ADAMTSL1: variants seen among roughly 807,000 people sequenced by gnomAD.
ADAMTSL1 encodes ADAMTS like 1, also known as ADAMTS-like protein 1.
A neutral mutation model predicts 201.8 loss-of-function variants in ADAMTSL1; 126 were observed. The observed-to-expected ratio is 0.62, with a 90% confidence interval of 0.54 to 0.72. The LOEUF (loss-of-function observed/expected upper bound fraction) is 0.72. ADAMTSL1 is among the 30% of genes least tolerant of loss of function. The probability of loss-of-function intolerance (pLI) is 0.00; values close to 1 mark genes in which losing one functional copy is unlikely to be tolerated. For missense variants in ADAMTSL1, 2,679 were observed against 2,277.8 expected (o/e 1.18, Z -3.59); for synonymous variants, 1,121 against 903.4 (o/e 1.24, Z -4.32).
intron 19 of ADAMTSL1, among the ~76,000 whole-genome samples, chr9:18,786,685 G>A (rs538541446): frequency 6.6e-6 from 1 of 152,172 alleles, no homozygotes; most frequent in African/African-American, 2.4e-5. Flanking sequence ...ACTCTTATTT[G>A]AGGAACATCT....
intron 2 of ADAMTSL1, among the ~76,000 whole-genome samples, chr9:18,223,464 C>G (rs1830336475): frequency 6.6e-6 from 1 of 151,700 alleles, no homozygotes; most frequent in Non-Finnish European, 1.5e-5. Context: ...CTTTTTGCTT[C>G]TTTTGTTGTA....
intron 4 of ADAMTSL1, among the ~76,000 whole-genome samples, chr9:18,611,208 A>G (rs1427692017): frequency 6.6e-6 from 1 of 152,188 alleles, no homozygotes; most frequent in Non-Finnish European, 1.5e-5. Flanking sequence ...ATTACAGTTA[A>G]TGCCATGTGA....
intron 1 of ADAMTSL1, among the ~76,000 whole-genome samples, chr9:17,917,384 G>A (rs952214342): frequency 6.6e-6 from 1 of 151,968 alleles, no homozygotes; most frequent in Non-Finnish European, 1.5e-5. Context: ...TTATGTCTGA[G>A]GAAATTGCTT....
intron 2 of ADAMTSL1, among the ~76,000 whole-genome samples, chr9:18,270,376 G>C (rs559939718): frequency 6.6e-6 from 1 of 152,186 alleles, no homozygotes; most frequent in Non-Finnish European, 1.5e-5. Flanking sequence ...CAAACGTTCA[G>C]ACCATAGGAG....
Position 18,574,166 on chromosome 9 carries a change from C to G in ADAMTSL1, c.374C>G (p.Ala125Gly). 1 of 1,614,106 alleles carries G rather than the reference C, an allele frequency of 6.2e-7. No homozygotes were observed. The highest frequency in any genetic ancestry group is 8.5e-7 in the Non-Finnish European group (1 of 1,180,006). Residue 125 changes from alanine to glycine, a missense_variant, in exon 4 of 29, where the codon GCC becomes GGC. Ala to Gly is a moderately conservative substitution (Grantham distance 60). Coordinates refer to ENST00000380548, the MANE Select transcript of ADAMTSL1 (RefSeq NM_001040272.6). Reference sequence around the variant, plus strand: ...AACCCATGTTCACTCAAGTGCCAAGCCAAAGGAACAACCCTGGTTGTTGAA... The same window carrying G: ...AACCCATGTTCACTCAAGTGCCAAGGCAAAGGAACAACCCTGGTTGTTGAA... The part of the protein sequence containing the change: ...PDNPCSLKCQ[A>G]KGTTLVVELA...
intron 13 of ADAMTSL1, among the ~76,000 whole-genome samples, chr9:18,690,798 A>G (rs1056003283): frequency 6.6e-6 from 1 of 152,078 alleles, no homozygotes; most frequent in African/African-American, 2.4e-5. Flanking sequence ...CCTCTTCCCT[A>G]TTCTCTGCAG....
At chr9:18,650,829 C>G (rs1398532243) in intron 7 of ADAMTSL1, among the ~76,000 whole-genome samples, 1 of 152,120 alleles carries the variant, frequency 6.6e-6, no homozygotes, top group African/African-American at 2.4e-5. Context: ...TAATCTGCTG[C>G]TTACTGGGTG....
intron 23 of ADAMTSL1, among the ~76,000 whole-genome samples, chr9:18,836,925 T>C (rs1282982270): frequency 1.3e-5 from 2 of 152,198 alleles, no homozygotes; most frequent in East Asian, 1.9e-4. Flanking sequence ...GTTATTGACA[T>C]ATAGAAATGT....
intron 21 of ADAMTSL1, among the ~76,000 whole-genome samples, chr9:18,820,801 C>G (rs1588164894): frequency 1.3e-5 from 2 of 152,314 alleles, no homozygotes; most frequent in East Asian, 1.9e-4. Context: ...CTGTATCACT[C>G]CCATGCTTGT....
chr9:18,298,870 T>G (rs559096650), intron 2 of ADAMTSL1, among the ~76,000 whole-genome samples: 13 of 151,694 alleles, frequency 8.6e-5, no homozygotes, highest in East Asian at 1.9e-4. Context: ...AATCAGCCGG[T>G]CGTGGTGGCG....
At chr9:18,292,178 C>G (rs1032287412) in intron 2 of ADAMTSL1, among the ~76,000 whole-genome samples, 1 of 152,032 alleles carries the variant, frequency 6.6e-6, no homozygotes, top group East Asian at 1.9e-4. Context: ...TCTGGATCTG[C>G]GTGATCAGTC....
intron 7 of ADAMTSL1, among the ~76,000 whole-genome samples, chr9:18,644,759 T>G (rs1827680380): frequency 6.6e-6 from 1 of 152,134 alleles, no homozygotes; most frequent in Non-Finnish European, 1.5e-5. Flanking sequence ...GGTGTATATG[T>G]GCCACATTTT....
chr9:18,310,685 C>G (rs928806487), intron 2 of ADAMTSL1, among the ~76,000 whole-genome samples: 1 of 152,084 alleles, frequency 6.6e-6, no homozygotes, highest in Non-Finnish European at 1.5e-5. Context: ...GAATGGCGAT[C>G]ATTAAAAAGT....
rs987718345 is a variant in ADAMTSL1 at position 17,940,299 on chromosome 9, G to A, written c.87+33377G>A. Among the ~76,000 whole-genome samples, 9 of 152,120 alleles carry A rather than the reference G, an allele frequency of 5.9e-5. 1 individual carries two copies. Among genetic ancestry groups the A allele is most frequent in the Admixed American group, 3.9e-4 (6 of 15,260 alleles). ...AAAGACAACTGCAGAGATGATTTGG[G>A]AGGGTGTTCCAAAGATCCAGGAGAG... On this transcript the variant is annotated intron_variant, in intron 1 of 29. Coordinates refer to the ADAMTSL1 transcript ENST00000680146.
intron 4 of ADAMTSL1, among the ~76,000 whole-genome samples, chr9:18,616,606 A>C (rs1825716520): frequency 6.6e-6 from 1 of 152,194 alleles, no homozygotes; most frequent in Non-Finnish European, 1.5e-5. Flanking sequence ...GATCCAGTAG[A>C]TTCTCTGACT....
At chr9:17,966,070 T>A (rs1055572110) in intron 1 of ADAMTSL1, among the ~76,000 whole-genome samples, 2 of 152,186 alleles carry the variant, frequency 1.3e-5, no homozygotes, top group African/African-American at 4.8e-5. Context: ...TGTCACATTG[T>A]TGCAAATATG....
intron 5 of ADAMTSL1, 171 bp downstream of exon 5, chr9:18,622,540 T>G: frequency 1.0e-6 from 1 of 984,738 alleles, no homozygotes; most frequent in Non-Finnish European, 1.5e-6. Flanking sequence ...GTGGGACAAG[T>G]CAGGTTACCA....
chr9:18,824,620 T>G (rs1454947288), intron 21 of ADAMTSL1, among the ~76,000 whole-genome samples: 1 of 149,382 alleles, frequency 6.7e-6, no homozygotes, highest in Non-Finnish European at 1.5e-5. Context: ...GGGAAAACAC[T>G]AGACCACTAG....
chr9:18,368,408 C>G (rs1836882916), intron 2 of ADAMTSL1, among the ~76,000 whole-genome samples: 1 of 152,192 alleles, frequency 6.6e-6, no homozygotes, highest in South Asian at 2.1e-4. Context: ...CGGTCCATGA[C>G]TGGGACAAAA....
Sources: allele counts gnomAD v4.1 joint callset (sites outside exome capture counted in the v4.1 genomes callset), GRCh38; gene constraint gnomAD v4.1.1; transcripts MANE v1.5; gene names NCBI Gene and HGNC (gene_info 2026-07-23, HGNC 2026-07-21).